The following SLC13A3 variants were observed in gnomAD, a reference collection of about 807,000 sequenced individuals.
SLC13A3 encodes Na(+)/dicarboxylate cotransporter 3.
In SLC13A3, 40 loss-of-function variants were observed where a neutral mutation model predicts 59.0. The ratio of observed to expected loss-of-function variants is 0.68; its 90% CI spans 0.53 to 0.88. SLC13A3 has a LOEUF of 0.88. Ranked by LOEUF, SLC13A3 falls within the 40% of genes least tolerant of loss-of-function variation. The probability of loss-of-function intolerance (pLI) is 0.00; values close to 1 mark genes in which losing one functional copy is unlikely to be tolerated. For synonymous variants in SLC13A3, 317 were observed against 330.3 expected (o/e 0.96, Z 0.44); for missense variants, 699 against 783.2 (o/e 0.89, Z 1.28).
At chr20:46,665,823 T>C (rs1222274108) in intron 1 of SLC13A3, among the ~76,000 whole-genome samples, 1 of 152,226 alleles carries the variant, frequency 6.6e-6, no homozygotes, top group Non-Finnish European at 1.5e-5. Flanking sequence ...CCCAACTGTT[T>C]TCCAAGGTGT....
chr20:46,579,502 A>C (rs112668567), intron 9 of SLC13A3, among the ~76,000 whole-genome samples: 4 of 151,940 alleles, frequency 2.6e-5, no homozygotes, highest in Admixed American at 2.6e-4. Context: ...AAAATATAAG[A>C]CTCCACAAAA....
Position 46,563,443 on chromosome 20 carries a change from C to T in SLC13A3, c.1603G>A (p.Ala535Thr), listed in dbSNP as rs139768929. Reference sequence around the variant, plus strand: ...TCTTTGACCAGCAAGTGTCCAGAGGCGAAGGCGATGGAGTTGGGGGGCGTT... The same window carrying T: ...TCTTTGACCAGCAAGTGTCCAGAGGTGAAGGCGATGGAGTTGGGGGGCGTT... Reference protein sequence around the residue: ...VSTPPNSIAFASGHLLVKDMV... With the variant: ...VSTPPNSIAFTSGHLLVKDMV... Residue 535 changes from alanine (A) to threonine (T), a missense_variant, in exon 12 of 13, where the codon GCC (alanine) becomes ACC (threonine). Transcript: ENST00000279027. 8 of 1,613,878 alleles carry T rather than the reference C, an allele frequency of 5.0e-6. No individual in the cohort carries two copies. The highest frequency in any genetic ancestry group is 1.6e-4 in the Middle Eastern group (1 of 6,076).
chr20:46,571,688 C>T (rs1449232347), intron 10 of SLC13A3, among the ~76,000 whole-genome samples: 1 of 152,008 alleles, frequency 6.6e-6, no homozygotes, highest in African/African-American at 2.4e-5. Context: ...TAAACATGCC[C>T]ACAGGATCAT....
chr20:46,613,717 G>A lies in SLC13A3; in HGVS notation c.120C>T (p.Arg40=). 6.3e-7 allele frequency: 1 copy of A among 1,599,258 alleles called. No individual in the cohort carries two copies. The highest frequency in any genetic ancestry group is 8.5e-7 in the Non-Finnish European group (1 of 1,172,074). ...CCATGAGCAGGATGACAAACAAGCA[G>A]CGGCCTTCCTGCAGGAGGAGATGCA... is the stretch of plus-strand genomic sequence containing the variant. ...VVFALPPKEG[R]CLFVILLMAV... The change falls in exon 2 of 13, where the codon CGC becomes CGT. Residue 40 remains arginine, a synonymous_variant. Transcript: ENST00000279027.
At chr20:46,641,753 C>T (rs1461271910) in intron 1 of SLC13A3, among the ~76,000 whole-genome samples, 1 of 152,200 alleles carries the variant, frequency 6.6e-6, no homozygotes. Context: ...GTATTTGAGG[C>T]TCTGAGACCC....
At chr20:46,612,729 G>C (rs907900816) in intron 2 of SLC13A3, among the ~76,000 whole-genome samples, 3 of 151,966 alleles carry the variant, frequency 2.0e-5, no homozygotes, top group Non-Finnish European at 2.9e-5. Flanking sequence ...TTGCCAAAAG[G>C]GTTTATGGAA....
At chr20:46,588,959 G>T (rs2062223909) in intron 7 of SLC13A3, among the ~76,000 whole-genome samples, 1 of 152,148 alleles carries the variant, frequency 6.6e-6, no homozygotes, top group African/African-American at 2.4e-5. Flanking sequence ...GGGCTTTTTG[G>T]TCCTCAGGTT....
intron 10 of SLC13A3, among the ~76,000 whole-genome samples, chr20:46,570,585 A>T (rs1327506822): frequency 6.6e-6 from 1 of 152,234 alleles, no homozygotes; most frequent in African/African-American, 2.4e-5. Context: ...ATTGCTCAGC[A>T]TCTACAAGAG....
intron 1 of SLC13A3, among the ~76,000 whole-genome samples, chr20:46,646,200 C>T (rs1388275701): frequency 6.6e-6 from 1 of 152,170 alleles, no homozygotes; most frequent in African/African-American, 2.4e-5. Flanking sequence ...AAGGGCCTCT[C>T]TCACTTCCTG....
intron 1 of SLC13A3, among the ~76,000 whole-genome samples, chr20:46,662,287 C>G (rs770647885): frequency 6.6e-6 from 1 of 152,136 alleles, no homozygotes; most frequent in Non-Finnish European, 1.5e-5. Flanking sequence ...GTGGGAGCAA[C>G]AGTCTCTTAT....
chr20:46,582,962 CT>C, intron 9 of SLC13A3: 3 of 985,428 alleles, frequency 3.0e-6, no homozygotes, highest in Non-Finnish European at 3.6e-6. Flanking sequence ...ATCTGAATGC[CT>C]TTAGGCAGTT....
chr20:46,672,741 G>A (rs2063100540), upstream of SLC13A3, among the ~76,000 whole-genome samples: 1 of 152,138 alleles, frequency 6.6e-6, no homozygotes, highest in Non-Finnish European at 1.5e-5. Flanking sequence ...TGTCCTTGGA[G>A]ACCTGGACTA....
chr20:46,639,790 T>C (rs1485014235), intron 1 of SLC13A3, among the ~76,000 whole-genome samples: 6 of 152,214 alleles, frequency 3.9e-5, no homozygotes, highest in Non-Finnish European at 2.9e-5. Context: ...TCAATGGCTA[T>C]GAGATGCTGG....
chr20:46,639,251 C>A lies in SLC13A3; in HGVS notation c.111+12060G>T, dbSNP rs565388380. ...GGGTGAGGGGCAGATCACCTGAGGT[C>A]AAGAGTTCGAGACCAGACTGGCCAA... On this transcript the variant is annotated intron_variant, in intron 1 of 12. Coordinates refer to ENST00000279027, the MANE Select transcript of SLC13A3 (RefSeq NM_022829.6). Among the ~76,000 whole-genome samples the A allele has an allele frequency of 2.6e-5, 4 of 152,156 alleles. No individual in the cohort carries two copies. The East Asian group carries it at 7.7e-4, about 29-fold the overall frequency.
chr20:46,594,670 A>C (rs2122688428), intron 5 of SLC13A3, among the ~76,000 whole-genome samples: 1 of 152,228 alleles, frequency 6.6e-6, no homozygotes, highest in Non-Finnish European at 1.5e-5. Flanking sequence ...TGATAAAAAG[A>C]CATCTAAGGT....
chr20:46,677,439 A>G (rs2063132830), intron 1 of SLC13A3, among the ~76,000 whole-genome samples: 2 of 152,118 alleles, frequency 1.3e-5, no homozygotes, highest in African/African-American at 4.8e-5. Context: ...TTGAAAGTAA[A>G]GCTGGCAGGA....
In SLC13A3 at chr20:46,613,629, A is replaced by T. The variant is rs571714044; in HGVS notation, c.208T>A (p.Phe70Ile). ...GAGGGCAAGATGCCCATGAAGGGGAAGAGGACGATGGGCAGCAGCGCCGTC... is the reference window on the plus strand; with the variant it reads ...GAGGGCAAGATGCCCATGAAGGGGATGAGGACGATGGGCAGCAGCGCCGTC... The part of the protein sequence containing the change: ...SVTALLPIVL[F>I]PFMGILPSNK... Residue 70 changes from phenylalanine to isoleucine, a missense_variant, in exon 2 of 13, where the codon TTC (phenylalanine) becomes ATC (isoleucine). Physicochemically the swap from Phe to Ile is conservative, Grantham distance 21. Transcript: ENST00000279027. 1.2e-6 allele frequency: 2 copies of T among 1,612,682 alleles called. No individual in the cohort carries two copies. Among genetic ancestry groups the T allele is most frequent in the Admixed American group, 3.3e-5 (2 of 59,734 alleles).
intron 4 of SLC13A3, among the ~76,000 whole-genome samples, chr20:46,597,916 C>T (rs935530745): frequency 2.6e-5 from 4 of 152,174 alleles, no homozygotes; most frequent in Non-Finnish European, 4.4e-5. Context: ...TGCTGTAGCA[C>T]TGATAGATAT....
At chr20:46,588,674 G>T (rs2062220263) in intron 7 of SLC13A3, among the ~76,000 whole-genome samples, 1 of 152,092 alleles carries the variant, frequency 6.6e-6, no homozygotes, top group Admixed American at 6.6e-5. Flanking sequence ...GGATCCCCAA[G>T]AGTTGGAGGA....
Sources: gnomAD v4.1 joint callset for allele counts (sites outside exome capture counted in the v4.1 genomes callset) on GRCh38, gnomAD v4.1.1 for gene constraint, MANE v1.5 for transcripts, NCBI Gene and HGNC (gene_info 2026-07-23, HGNC 2026-07-21) for gene names.